Variants in UMAD1 observed in about 807,000 individuals in gnomAD.
The protein encoded by UMAD1 is UBAP1-MVB12-associated (UMA)-domain containing protein 1.
UMAD1 carries 8 observed loss-of-function variants against 6.1 expected under a neutral mutation model. The observed-to-expected ratio is 1.30, with a 90% CI of 0.76 to 2.35. The LOEUF (loss-of-function observed/expected upper bound fraction) is 2.35. Ranked by LOEUF, UMAD1 falls within the 30% of genes most tolerant of loss-of-function variation. The pLI is 0.00. For synonymous variants in UMAD1, 56 were observed against 31.4 expected (o/e 1.78, Z -2.61); for missense variants, 130 against 78.4 (o/e 1.66, Z -2.49).
intron 2 of UMAD1, among the ~76,000 whole-genome samples, chr7:7,786,652 C>T (rs971053799): frequency 1.3e-5 from 2 of 152,086 alleles, no homozygotes; most frequent in Non-Finnish European, 2.9e-5. Context: ...GATTATTGCC[C>T]ACTGAATTTA....
Position 7,796,189 on chromosome 7 carries a change from A to G in UMAD1, c.83-5481A>G, listed in dbSNP as rs183346992. On this transcript the variant is annotated intron_variant, in intron 2 of 3. Coordinates refer to ENST00000682710, the MANE Select transcript of UMAD1 (RefSeq NM_001302348.2). Reference sequence around the variant, plus strand: ...TAACAGGAATTCTGAACAGAAATATATAGATATACTTAAGCATTCTTCTGG... The same window carrying G: ...TAACAGGAATTCTGAACAGAAATATGTAGATATACTTAAGCATTCTTCTGG... Among the ~76,000 whole-genome samples, 465 of 150,346 alleles carry G rather than the reference A, an allele frequency of 3.1e-3. 1 individual carries two copies. The highest frequency in any genetic ancestry group is 4.0e-3 in the Non-Finnish European group (273 of 67,714).
intron 1 of UMAD1, among the ~76,000 whole-genome samples, chr7:7,650,670 A>C (rs28916282): frequency 4.6e-5 from 7 of 152,262 alleles, no homozygotes; most frequent in African/African-American, 1.7e-4. Flanking sequence ...TAAGCTGGTT[A>C]AAGTGGCAAT....
chr7:7,684,752 T>C (rs1424829826), intron 2 of UMAD1, among the ~76,000 whole-genome samples: 1 of 152,224 alleles, frequency 6.6e-6, no homozygotes, highest in East Asian at 1.9e-4. Context: ...ATTTGACAGA[T>C]TAACACCCGT....
chr7:7,723,891 T>G (rs1252998650), intron 2 of UMAD1, among the ~76,000 whole-genome samples: 1 of 152,178 alleles, frequency 6.6e-6, no homozygotes, highest in Non-Finnish European at 1.5e-5. Flanking sequence ...GTGAAATTGA[T>G]AGGAAGCCTA....
chr7:7,720,057 T>A (rs886217467), intron 2 of UMAD1, among the ~76,000 whole-genome samples: 3 of 152,216 alleles, frequency 2.0e-5, no homozygotes, highest in Non-Finnish European at 4.4e-5. Context: ...AATAAAGCCA[T>A]CTGTTTGAAA....
intron 2 of UMAD1, among the ~76,000 whole-genome samples, chr7:7,697,127 T>A (rs1780340169): frequency 1.3e-5 from 2 of 152,274 alleles, no homozygotes; most frequent in African/African-American, 4.8e-5. Flanking sequence ...TCTTTTTATT[T>A]AAAAAATTAT....
chr7:7,714,049 T>G (rs1355307747), intron 2 of UMAD1, among the ~76,000 whole-genome samples: 2 of 152,224 alleles, frequency 1.3e-5, no homozygotes. Flanking sequence ...TTTTAAATGT[T>G]TTAAGATTTC....
Position 7,796,640 on chromosome 7 carries a change from G to A in UMAD1, c.83-5030G>A, listed in dbSNP as rs530795964. Among the ~76,000 whole-genome samples the A allele has an allele frequency of 6.6e-5, 10 of 152,180 alleles. No individual in the cohort carries two copies. The South Asian group carries it at 8.3e-4, about 13-fold the overall frequency. On this transcript the variant is annotated intron_variant, in intron 2 of 3. Coordinates refer to ENST00000682710, the MANE Select transcript of UMAD1 (RefSeq NM_001302348.2). ...TCCTATAGATAGGATTCTGGTTTTC[G>A]TTCAAGATAGTGTCCCTGACACTAG... is the stretch of plus-strand genomic sequence containing the variant.
chr7:7,655,981 A>G lies in UMAD1; in HGVS notation c.-64+15160A>G, dbSNP rs1478446794. Among the ~76,000 whole-genome samples, 3 of 152,050 alleles carry G rather than the reference A, an allele frequency of 2.0e-5. No individual in the cohort carries two copies. The East Asian group carries it at 5.8e-4, about 29-fold the overall frequency. ...CTTCCGAGTAGCTGGGATTACAGGCATGCGCCATCATGCCTGGCTAATTTT... is the reference window on the plus strand; with the variant it reads ...CTTCCGAGTAGCTGGGATTACAGGCGTGCGCCATCATGCCTGGCTAATTTT... On this transcript the variant is annotated intron_variant, in intron 1 of 3. Coordinates refer to ENST00000682710, the MANE Select transcript of UMAD1 (RefSeq NM_001302348.2).
chr7:7,652,268 C>T (rs1785240043), intron 1 of UMAD1, among the ~76,000 whole-genome samples: 1 of 152,182 alleles, frequency 6.6e-6, no homozygotes. Flanking sequence ...AAGCAGTATA[C>T]TCTTGGTCGA....
At position 7,789,296 on chromosome 7, in the gene UMAD1, A is replaced by G. The variant is rs76972745; in HGVS notation, c.83-12374A>G. Among the ~76,000 whole-genome samples, 360 of 149,438 alleles carry G rather than the reference A, an allele frequency of 2.4e-3. 2 individuals carry two copies. The highest frequency in any genetic ancestry group is 8.8e-3 in the African/African-American group (341 of 38,812). ...GAGAAAAAAAACACATTTCCCTCGCATGACTTTCCTTTTCCCTTTAAATAC... is the reference window on the plus strand; with the variant it reads ...GAGAAAAAAAACACATTTCCCTCGCGTGACTTTCCTTTTCCCTTTAAATAC... On this transcript the variant is annotated intron_variant, in intron 2 of 3. Coordinates refer to ENST00000682710, the MANE Select transcript of UMAD1 (RefSeq NM_001302348.2).
chr7:7,871,827 A>G (rs973157699), intron 3 of UMAD1, among the ~76,000 whole-genome samples: 89 of 144,166 alleles, frequency 6.2e-4, no homozygotes, highest in African/African-American at 2.1e-3. Flanking sequence ...TTACGTTCTC[A>G]CAAATAACAG....
intron 2 of UMAD1, among the ~76,000 whole-genome samples, chr7:7,713,204 C>T (rs1780810707): frequency 6.6e-6 from 1 of 151,772 alleles, no homozygotes; most frequent in Non-Finnish European, 1.5e-5. Context: ...ATTAGCTGGG[C>T]ATGGTGGCGT....
intron 2 of UMAD1, among the ~76,000 whole-genome samples, chr7:7,785,074 T>A (rs1782435822): frequency 6.6e-6 from 1 of 152,204 alleles, no homozygotes. Context: ...TCCAAGTGTC[T>A]AAAGAATCTG....
intron 2 of UMAD1, among the ~76,000 whole-genome samples, chr7:7,725,961 A>G (rs766148363): frequency 3.9e-5 from 6 of 152,256 alleles, no homozygotes; most frequent in Non-Finnish European, 8.8e-5. Context: ...GACAGTGGTG[A>G]AGGGAAATCT....
intron 2 of UMAD1, among the ~76,000 whole-genome samples, chr7:7,700,655 A>G (rs968751179): frequency 1.3e-5 from 2 of 152,240 alleles, no homozygotes; most frequent in Non-Finnish European, 2.9e-5. Flanking sequence ...TGGGAGGCCT[A>G]GGTGAGCAGA....
At chr7:7,711,206 A>G (rs1780754346) in intron 2 of UMAD1, among the ~76,000 whole-genome samples, 1 of 152,190 alleles carries the variant, frequency 6.6e-6, no homozygotes, top group African/African-American at 2.4e-5. Flanking sequence ...GGTAGAAGCT[A>G]CATGGGATAT....
At chr7:7,812,082 T>G (rs562044932) in intron 3 of UMAD1, among the ~76,000 whole-genome samples, 1 of 152,340 alleles carries the variant, frequency 6.6e-6, no homozygotes, top group African/African-American at 2.4e-5. Context: ...TAACTTCACC[T>G]TTGCTGGAAA....
At chr7:7,794,489 C>T (rs910346839) in intron 2 of UMAD1, among the ~76,000 whole-genome samples, 1 of 152,140 alleles carries the variant, frequency 6.6e-6, no homozygotes, top group Non-Finnish European at 1.5e-5. Flanking sequence ...GAACGGACCC[C>T]CTCTGGGCCT....
Sources: allele counts gnomAD v4.1 joint callset (sites outside exome capture counted in the v4.1 genomes callset), GRCh38; gene constraint gnomAD v4.1.1; transcripts MANE v1.5; gene names NCBI Gene and HGNC (gene_info 2026-07-23, HGNC 2026-07-21).